TMEM132D: variants seen among roughly 807,000 people sequenced by gnomAD.
TMEM132D encodes the protein mature OL transmembrane protein.
Under a neutral mutation model 62.3 loss-of-function variants are expected in TMEM132D, and 21 were observed. The observed-to-expected ratio is 0.34, with a 90% CI of 0.24 to 0.49. The LOEUF (loss-of-function observed/expected upper bound fraction) is 0.49, where lower values mean the gene tolerates loss of function less well. Ranked by LOEUF, TMEM132D falls within the 20% of genes least tolerant of loss-of-function variation. TMEM132D has a pLI of 0.99. For synonymous variants in TMEM132D, 621 were observed against 575.6 expected (o/e 1.08, Z -1.13); for missense variants, 1,346 against 1,402.8 (o/e 0.96, Z 0.65).
intron 1 of TMEM132D, among the ~76,000 whole-genome samples, chr12:129,767,155 G>A (rs1354059845): frequency 6.6e-6 from 1 of 152,150 alleles, no homozygotes; most frequent in Admixed American, 6.5e-5. Context: ...AAGCTGCCCT[G>A]TATCAATTGC....
intron 1 of TMEM132D, chr12:129,852,964 C>A (rs571592602): frequency 1.3e-5 from 2 of 152,130 alleles, no homozygotes; most frequent in South Asian, 4.1e-4. Context: ...AATAAAATAT[C>A]AAATCTAAAA....
At chr12:129,359,789 G>A (rs909593164) in intron 3 of TMEM132D, among the ~76,000 whole-genome samples, 2 of 152,022 alleles carry the variant, frequency 1.3e-5, no homozygotes, top group African/African-American at 2.4e-5. Flanking sequence ...AATTTTAAGA[G>A]TTGACTTGAG....
At chr12:129,481,339 T>C (rs959458172) in intron 3 of TMEM132D, among the ~76,000 whole-genome samples, 8 of 151,876 alleles carry the variant, frequency 5.3e-5, no homozygotes, top group Non-Finnish European at 1.0e-4. Context: ...AAAGCACATC[T>C]GCAGCCCCAG....
chr12:129,722,604 C>A (rs567888896), intron 1 of TMEM132D, among the ~76,000 whole-genome samples: 1 of 152,290 alleles, frequency 6.6e-6, no homozygotes, highest in East Asian at 1.9e-4. Context: ...CAGGCTCCGT[C>A]GGCCTTTCTC....
chr12:129,255,607 TTTTG>T (rs1429949145), intron 4 of TMEM132D, among the ~76,000 whole-genome samples: 26 of 152,320 alleles, frequency 1.7e-4, no homozygotes, highest in African/African-American at 4.6e-4. Flanking sequence ...ACATAAAATA[TTTTG>T]TTTATCTGTG....
At chr12:129,671,205 G>A (rs533212824) in intron 2 of TMEM132D, among the ~76,000 whole-genome samples, 2 of 152,298 alleles carry the variant, frequency 1.3e-5, no homozygotes, top group African/African-American at 4.8e-5. Context: ...GAAGTAACTT[G>A]TAAAACACTT....
intron 2 of TMEM132D, among the ~76,000 whole-genome samples, chr12:129,625,906 T>C (rs1879199661): frequency 1.3e-5 from 2 of 152,270 alleles, no homozygotes; most frequent in South Asian, 4.1e-4. Flanking sequence ...AGATACACAA[T>C]TCAGTCCAAC....
At chr12:129,087,962 G>A (rs372833378) in intron 5 of TMEM132D, among the ~76,000 whole-genome samples, 1 of 94,456 alleles carries the variant, frequency 1.1e-5, no homozygotes, top group African/African-American at 3.6e-5. Flanking sequence ...TCCCTGACCG[G>A]GGTGTCCTCC....
intron 1 of TMEM132D, among the ~76,000 whole-genome samples, chr12:129,768,982 A>C (rs921832533): frequency 8.5e-5 from 13 of 152,118 alleles, no homozygotes; most frequent in African/African-American, 2.9e-4. Context: ...ATCCTTGAAA[A>C]GCTCCTCGAG....
At chr12:129,749,631 T>G (rs914415648) in intron 1 of TMEM132D, among the ~76,000 whole-genome samples, 13 of 151,428 alleles carry the variant, frequency 8.6e-5, no homozygotes, top group African/African-American at 2.9e-4. Flanking sequence ...TAATTTTTTT[T>G]TGTGTGTACT....
At position 129,182,089 on chromosome 12, in the gene TMEM132D, C is replaced by T. The variant is rs183615815; in HGVS notation, c.1443+27431G>A. 2.2e-4 allele frequency among the ~76,000 whole-genome samples: 34 copies of T among 152,204 alleles called. No homozygotes were observed. In the East Asian group the frequency reaches 5.4e-3, roughly 24 times the overall value. ...GATAGAAAGAGGAGCTGGCCAGGCGCGGTGTCTCATGCCTGTAAACCAAGC... is the reference window on the plus strand; with the variant it reads ...GATAGAAAGAGGAGCTGGCCAGGCGTGGTGTCTCATGCCTGTAAACCAAGC... On this transcript the variant is annotated intron_variant, in intron 5 of 8. Coordinates refer to ENST00000422113, the MANE Select transcript of TMEM132D (RefSeq NM_133448.3).
At chr12:129,729,693 A>G (rs1869158336) in intron 1 of TMEM132D, among the ~76,000 whole-genome samples, 1 of 152,160 alleles carries the variant, frequency 6.6e-6, no homozygotes, top group Admixed American at 6.5e-5. Context: ...TTTGATCATG[A>G]GTAGAGCTAT....
chr12:129,669,090 G>T (rs938716809), intron 2 of TMEM132D, among the ~76,000 whole-genome samples: 1 of 152,150 alleles, frequency 6.6e-6, no homozygotes, highest in Non-Finnish European at 1.5e-5. Context: ...TCTTATCTGA[G>T]ATTCTTCATG....
chr12:129,419,937 T>G (rs138335443), intron 3 of TMEM132D, among the ~76,000 whole-genome samples: 201 of 152,262 alleles, frequency 1.3e-3, no homozygotes, highest in African/African-American at 4.7e-3. Context: ...CTAGGGAAGT[T>G]TTTAAAATAT....
Position 129,486,676 on chromosome 12 carries a change from C to T in TMEM132D, c.1115+44383G>A, listed in dbSNP as rs191786935. Among the ~76,000 whole-genome samples, 505 of 152,276 alleles carry T rather than the reference C, an allele frequency of 3.3e-3. 10 individuals are homozygous for T. Among genetic ancestry groups the T allele is most frequent in the Non-Finnish European group, 1.1e-3 (72 of 68,026 alleles). On this transcript the variant is annotated intron_variant, in intron 3 of 8. Transcript: ENST00000422113. ...GAGGATTGTGATGTCCATGTGGACA[C>T]GACCCCAGCACCATAGAATGAGGTG...
At chr12:129,275,021 T>C (rs1298254918) in intron 4 of TMEM132D, among the ~76,000 whole-genome samples, 4 of 152,250 alleles carry the variant, frequency 2.6e-5, no homozygotes, top group African/African-American at 9.6e-5. Context: ...GGCTCAGGCC[T>C]GTAATCCTAG....
intron 1 of TMEM132D, among the ~76,000 whole-genome samples, chr12:129,866,021 T>G (rs1874047043): frequency 6.6e-6 from 1 of 152,112 alleles, no homozygotes; most frequent in Non-Finnish European, 1.5e-5. Flanking sequence ...TTTGGTTTGG[T>G]TTTCCTCTCA....
chr12:129,656,960 CAG>C (rs1313713927), intron 2 of TMEM132D, among the ~76,000 whole-genome samples: 1 of 152,124 alleles, frequency 6.6e-6, no homozygotes, highest in Admixed American at 6.5e-5. Flanking sequence ...CTCAAGAAGA[CAG>C]AAATCTATCT....
intron 1 of TMEM132D, among the ~76,000 whole-genome samples, chr12:129,877,449 C>A (rs1228662008): frequency 6.6e-6 from 1 of 152,122 alleles, no homozygotes; most frequent in Admixed American, 6.5e-5. Flanking sequence ...CCTATTTGTT[C>A]AGCTGAGAAA....
Sources: allele counts gnomAD v4.1 joint callset (sites outside exome capture counted in the v4.1 genomes callset), GRCh38; gene constraint gnomAD v4.1.1; transcripts MANE v1.5; gene names NCBI Gene and HGNC (gene_info 2026-07-23, HGNC 2026-07-21).